The following XRRA1 variants were observed in gnomAD, a reference collection of about 807,000 sequenced individuals.
The protein encoded by XRRA1 is X-ray radiation resistance associated 1, also known as X-ray radiation resistance-associated protein 1.
In XRRA1, 69 loss-of-function variants were observed where a neutral mutation model predicts 80.2. The ratio of observed to expected loss-of-function variants is 0.86; its 90% CI spans 0.71 to 1.05. The LOEUF is 1.05. Ranked by LOEUF, XRRA1 falls within the 50% of genes least tolerant of loss-of-function variation. XRRA1 has a pLI of 0.00. For missense variants in XRRA1, 967 were observed against 976.4 expected, an observed-to-expected ratio of 0.99 and a Z score of 0.13; for synonymous variants, 348 against 389.9, an observed-to-expected ratio of 0.89 and a Z score of 1.27.
chr11:74,856,818 C>T (rs1222721259), intron 12 of XRRA1, among the ~76,000 whole-genome samples: 1 of 152,162 alleles, frequency 6.6e-6, no homozygotes. Flanking sequence ...TAACGAAAGC[C>T]TTCAGTTGCT....
At chr11:74,940,668 G>A in intron 3 of XRRA1, 117 bp downstream of exon 3, 1 of 816,310 alleles carries the variant, frequency 1.2e-6, no homozygotes, top group Non-Finnish European at 2.0e-6. Flanking sequence ...GAGGGGGAAG[G>A]ATTAGGTAGA....
In XRRA1 at chr11:74,888,236, C is replaced by T. The variant is rs181548771; in HGVS notation, c.1003+18003G>A. Among the ~76,000 whole-genome samples, 1,090 of 152,298 alleles carry T rather than the reference C, an allele frequency of 7.2e-3. 7 individuals carry two copies. The highest frequency in any genetic ancestry group is 0.012 in the Non-Finnish European group (814 of 68,032). ...CTCAGAGACAAAACTTCCAGAGGAA[C>T]GATCAAGCAGCAACATCTGCTGTTC... On this transcript the variant is annotated intron_variant, in intron 10 of 18. Transcript: ENST00000684022.
chr11:74,872,438 A>G (rs967529786), intron 10 of XRRA1, among the ~76,000 whole-genome samples: 3 of 152,192 alleles, frequency 2.0e-5, no homozygotes, highest in Admixed American at 2.0e-4. Flanking sequence ...TAGGGACCAG[A>G]AGGCGGCCCT....
rs191145585 is a variant in XRRA1, at chr11:74,896,985, C to T, written c.1003+9254G>A. On this transcript the variant is annotated intron_variant, in intron 10 of 18. Coordinates refer to ENST00000684022, the MANE Select transcript of XRRA1 (RefSeq NM_001378157.1). ...CACCAGAGACATTTAAGAGTGTCAA[C>T]ATGATCCAGGAAAACATGACCTCAC... 2.0e-5 allele frequency among the ~76,000 whole-genome samples: 3 copies of T among 152,152 alleles called. No homozygotes were observed. The East Asian group carries it at 5.8e-4, about 29-fold the overall frequency.
At chr11:74,909,186 C>A (rs887349756) in intron 8 of XRRA1, among the ~76,000 whole-genome samples, 5 of 152,206 alleles carry the variant, frequency 3.3e-5, no homozygotes, top group African/African-American at 1.2e-4. Context: ...GACCTGGCAG[C>A]ACTGTAGAGA....
chr11:74,945,999 G>C (rs980544918), intron 1 of XRRA1, among the ~76,000 whole-genome samples: 6 of 151,712 alleles, frequency 4.0e-5, no homozygotes, highest in African/African-American at 1.2e-4. Context: ...GTCTCACTCT[G>C]TTACCCAGGC....
Position 74,848,190 on chromosome 11 carries a change from G to A in XRRA1, c.1653C>T (p.Asp551=). ...GCTCTGGGCTGAGGCGGACAGTTGT[G>A]TCACTCAGGTGGGACAGGGTCTCTT... is the stretch of plus-strand genomic sequence containing the variant. ...HSEETLSHLS[D]TTVRLSPERP... Residue 551 remains aspartate (D), a synonymous_variant, in exon 15 of 19, where the codon GAC becomes GAT. Coordinates refer to ENST00000684022, the MANE Select transcript of XRRA1 (RefSeq NM_001378157.1). 1 of 1,613,854 alleles carries A rather than the reference G, an allele frequency of 6.2e-7. No individual in the cohort carries two copies. Among genetic ancestry groups the A allele is most frequent in the Non-Finnish European group, 8.5e-7 (1 of 1,179,876 alleles).
chr11:74,846,640 TTAATA>T (rs77182701), intron 15 of XRRA1, among the ~76,000 whole-genome samples: 34,981 of 151,894 alleles, frequency 0.23, 5,289 homozygotes, highest in East Asian at 0.53. Context: ...TGGAAATCAA[TTAATA>T]TAATATATCA....
intron 8 of XRRA1, among the ~76,000 whole-genome samples, chr11:74,915,748 T>C (rs1938437515): frequency 6.6e-6 from 1 of 152,230 alleles, no homozygotes; most frequent in African/African-American, 2.4e-5. Flanking sequence ...GTATTTACCT[T>C]TAATGAGAGC....
chr11:74,862,912 T>A, intron 11 of XRRA1, 69 bp downstream of exon 11: 1 of 1,329,666 alleles, frequency 7.5e-7, no homozygotes, highest in Non-Finnish European at 1.0e-6. Context: ...TCCATTATTT[T>A]ATTTGATTTT....
In XRRA1 at chr11:74,936,906, T is replaced by C. The variant is rs1160391361; in HGVS notation, c.257A>G (p.His86Arg). Reference sequence around the variant, plus strand: ...CACCAGAAAAGCCTGGTCCAGGATATGTCCAGGAAGGTCCACCTGATTTTC... The same window carrying C: ...CACCAGAAAAGCCTGGTCCAGGATACGTCCAGGAAGGTCCACCTGATTTTC... ...RRENQVDLPG[H>R]ILDQAFLLKH... The change falls in exon 4 of 19, where the codon CAT becomes CGT. Residue 86 changes from histidine to arginine, a missense_variant. Coordinates refer to ENST00000684022, the MANE Select transcript of XRRA1 (RefSeq NM_001378157.1). 6 of 1,613,624 alleles carry C rather than the reference T, an allele frequency of 3.7e-6. No homozygotes were observed. The highest frequency in any genetic ancestry group is 5.1e-6 in the Non-Finnish European group (6 of 1,179,788).
intron 11 of XRRA1, among the ~76,000 whole-genome samples, chr11:74,860,627 A>G (rs1280253567): frequency 6.6e-6 from 1 of 152,200 alleles, no homozygotes; most frequent in Non-Finnish European, 1.5e-5. Context: ...CCTACAAATT[A>G]TCTTTGACTT....
chr11:74,864,418 G>T (rs543785264), intron 10 of XRRA1, among the ~76,000 whole-genome samples: 4 of 152,094 alleles, frequency 2.6e-5, no homozygotes, highest in African/African-American at 7.2e-5. Flanking sequence ...TTCCACACCC[G>T]CCCACAGTCA....
chr11:74,878,412 T>G (rs1337368889), intron 10 of XRRA1, among the ~76,000 whole-genome samples: 2 of 151,850 alleles, frequency 1.3e-5, no homozygotes, highest in African/African-American at 4.8e-5. Context: ...ATTTTGTAGG[T>G]TGCCTGTTCA....
intron 7 of XRRA1, among the ~76,000 whole-genome samples, chr11:74,922,597 A>G (rs1345169867): frequency 6.6e-6 from 1 of 152,152 alleles, no homozygotes; most frequent in Non-Finnish European, 1.5e-5. Context: ...GAATGGGGTC[A>G]GTTTCAGCAA....
In XRRA1 at chr11:74,844,997, C is replaced by T. The variant is rs1349178958; in HGVS notation, c.1927+76G>A. 2.7e-6 allele frequency: 4 copies of T among 1,479,914 alleles called. No individual in the cohort carries two copies. The African/African-American group carries it at 5.6e-5, about 21-fold the overall frequency. 91.7% of individuals were successfully genotyped at this position (1,479,914 alleles called of 1,614,324 possible). On this transcript the variant is annotated intron_variant, in intron 16 of 18. Coordinates refer to ENST00000684022, the MANE Select transcript of XRRA1 (RefSeq NM_001378157.1). ...TTGGGAAAAGACAGCTTGGTGCCAGCCTTGGCTTGACCCTGACTTGCTCTG... is the reference window on the plus strand; with the variant it reads ...TTGGGAAAAGACAGCTTGGTGCCAGTCTTGGCTTGACCCTGACTTGCTCTG...
intron 10 of XRRA1, among the ~76,000 whole-genome samples, chr11:74,905,665 T>G (rs1406699178): frequency 6.6e-6 from 1 of 152,210 alleles, no homozygotes; most frequent in Non-Finnish European, 1.5e-5. Flanking sequence ...TAGCTGAATC[T>G]AGTTTGCAGT....
Position 74,919,821 on chromosome 11 carries a change from G to C in XRRA1, c.656+1393C>G. On this transcript the variant is annotated intron_variant, in intron 8 of 18. Transcript: ENST00000684022. ...AGGCTGTCTGGGCCAAAGGAATAAG[G>C]AATGTCCCATGCCGAATCCATGTGC... 3 of 423,014 alleles carry C rather than the reference G, an allele frequency of 7.1e-6. No individual in the cohort carries two copies. In the Admixed American group the frequency reaches 9.1e-5, roughly 13 times the overall value. 26.2% of individuals were successfully genotyped at this position (423,014 alleles called of 1,614,324 possible).
In XRRA1 at chr11:74,848,337, G is replaced by T. The variant is rs747659528; in HGVS notation, c.1506C>A (p.Pro502=). The T allele has an allele frequency of 1.2e-6, 2 of 1,613,898 alleles. No homozygotes were observed. The highest frequency in any genetic ancestry group is 3.3e-5 in the Admixed American group (2 of 59,998). ...EPEAELAEDL[P]TTKSTSVESE... is the part of the protein sequence containing the mutation. ...ACTCCACAGAAGTGCTTTTGGTAGT[G>T]GGCAGATCTTCAGCCAGCTCTGCCT... The change falls in exon 15 of 19, where the codon CCC becomes CCA. Residue 502 remains proline, a synonymous_variant. Transcript: ENST00000684022.
Sources: gnomAD v4.1 joint callset for allele counts (sites outside exome capture counted in the v4.1 genomes callset) on GRCh38, gnomAD v4.1.1 for gene constraint, MANE v1.5 for transcripts, NCBI Gene and HGNC (gene_info 2026-07-23, HGNC 2026-07-21) for gene names.